The following SLC12A5 variants were observed in gnomAD, a reference collection of about 807,000 sequenced individuals.
SLC12A5 encodes the protein K-Cl cotransporter 2.
SLC12A5 carries 18 observed loss-of-function variants against 124.0 expected under a neutral mutation model. That is an observed-to-expected ratio of 0.15 (90% CI 0.10 to 0.22). The LOEUF is 0.22. Among genes scored for constraint, SLC12A5 ranks in the 10% least tolerant of loss-of-function variants. The pLI, the probability that SLC12A5 is intolerant of heterozygous loss-of-function variation, is 1.00. For missense variants in SLC12A5, 867 were observed against 1,478.7 expected, an observed-to-expected ratio of 0.59 and a Z score of 6.78; for synonymous variants, 589 against 568.0, an observed-to-expected ratio of 1.04 and a Z score of -0.53.
At position 46,044,704 on chromosome 20, in the gene SLC12A5, G is replaced by T. The variant is rs1358818975; in HGVS notation, c.1395-262G>T. The T allele has an allele frequency of 1.4e-5, 7 of 499,336 alleles. No homozygotes were observed. In the East Asian group the frequency reaches 2.7e-4, roughly 19 times the overall value. The allele number at this position is 499,336 out of a possible 1,614,324, so 30.9% of individuals were successfully genotyped here. On this transcript the variant is annotated intron_variant, in intron 11 of 25. Transcript: ENST00000243964. ...TTTCCACTGGTACCACCAGGCTTCT[G>T]TAAGGGAATGCAGTGGGGGACGTGG...
In SLC12A5 at chr20:46,056,478, G is replaced by C; in HGVS notation, c.3024G>C (p.Trp1008Cys). ...ETDPEKVHLT[W>C]TKDKSVAEKN... ...ATCCGGAGAAGGTGCATCTCACCTG[G>C]ACCAAGGACAAGTCGGTGGCAGAGA... Residue 1008 changes from tryptophan (W) to cysteine (C), a missense_variant, in exon 23 of 26, where the codon TGG becomes TGC. By Grantham distance (215) the Trp-to-Cys change is radical. This residue lies in a region of SLC12A5 where 180 missense variants were observed against 243.6 expected (regional missense o/e 0.74). Transcript: ENST00000243964. The surrounding 1 kb of genome is among the most constrained non-coding windows in gnomAD (Gnocchi z 4.3). 1 of 1,614,174 alleles carries C rather than the reference G, an allele frequency of 6.2e-7. No individual in the cohort carries two copies. The highest frequency in any genetic ancestry group is 8.5e-7 in the Non-Finnish European group (1 of 1,180,020).
At position 46,059,908 on chromosome 20, in the gene SLC12A5, GTATT is replaced by G; in HGVS notation, c.*2308_*2311del. ...GGAGAGGTTGCAAACCAAATCAAGA[GTATT>G]TATTACTATTACTGCTATTATTATT... On this transcript the variant is annotated 3_prime_UTR_variant, in exon 26 of 26. Coordinates refer to ENST00000243964, the MANE Select transcript of SLC12A5 (RefSeq NM_020708.5). 2.9e-6 allele frequency: 1 copy of G among 341,878 alleles called. No individual in the cohort carries two copies. The highest frequency in any genetic ancestry group is 5.2e-6 in the Non-Finnish European group (1 of 190,516). 21.2% of individuals were successfully genotyped at this position (341,878 alleles called of 1,614,324 possible).
intron 17 of SLC12A5, 148 bp from the exon 18 acceptor site, chr20:46,051,527 C>A: frequency 1.5e-6 from 1 of 663,832 alleles, no homozygotes; most frequent in Non-Finnish European, 2.5e-6. Context: ...ATGTGCCATT[C>A]TGGAGCCAGA....
chr20:46,029,889 T>TGTGTGC (rs1353696590), intron 1 of SLC12A5, among the ~76,000 whole-genome samples: 14 of 75,280 alleles, frequency 1.9e-4, no homozygotes, highest in African/African-American at 7.3e-4. Context: ...TGTGTGTGTG[T>TGTGTGC]GCGCGCGCGT....
intron 16 of SLC12A5, among the ~76,000 whole-genome samples, 154 bp downstream of exon 16, chr20:46,048,239 C>A (rs2145497675): frequency 6.6e-6 from 1 of 152,252 alleles, no homozygotes; most frequent in Non-Finnish European, 1.5e-5. Flanking sequence ...TTCCTTCCCA[C>A]CTGAAACACT....
chr20:46,029,984 G>T (rs1350505230), intron 1 of SLC12A5, among the ~76,000 whole-genome samples: 3 of 151,716 alleles, frequency 2.0e-5, no homozygotes, highest in Non-Finnish European at 4.4e-5. Context: ...CCGGGCTGTG[G>T]TGTCTCCTTA....
chr20:46,022,003 C>A (rs1056697208), intron 1 of SLC12A5: 2 of 1,224,388 alleles, frequency 1.6e-6, no homozygotes, highest in Non-Finnish European at 2.1e-6. Context: ...GGGGTCCCAG[C>A]CCTAGGCCTG....
Position 46,056,025 on chromosome 20 carries a change from A to ATT in SLC12A5, c.2788-122_2788-121dup. 2 of 1,364,226 alleles carry ATT rather than the reference A, an allele frequency of 1.5e-6. No homozygotes were observed. Among genetic ancestry groups the ATT allele is most frequent in the Non-Finnish European group, 2.0e-6 (2 of 1,007,564 alleles). 84.5% of individuals were successfully genotyped at this position (1,364,226 alleles called of 1,614,324 possible). On this transcript the variant is annotated intron_variant, in intron 21 of 25. Coordinates refer to ENST00000243964, the MANE Select transcript of SLC12A5 (RefSeq NM_020708.5). The surrounding 1 kb of genome is among the most constrained non-coding windows in gnomAD (Gnocchi z 4.3). ...CTATTTGGTCTCAAATCATAGCAAT[A>ATT]TTTTAACAACTGGTACAGTTCCAGA... is the stretch of plus-strand genomic sequence containing the variant.
chr20:46,054,319 A>G (rs1175316882), intron 20 of SLC12A5, among the ~76,000 whole-genome samples: 2 of 152,224 alleles, frequency 1.3e-5, no homozygotes, highest in East Asian at 1.9e-4. Flanking sequence ...GCAGTCTGCC[A>G]TTGACGCACA....
At chr20:46,030,502 A>G (rs1056502609) in intron 1 of SLC12A5, among the ~76,000 whole-genome samples, 2 of 75,370 alleles carry the variant, frequency 2.7e-5, no homozygotes, top group African/African-American at 1.1e-4. Context: ...GCCATCCATC[A>G]CGGCTGTCAG....
Position 46,059,718 on chromosome 20 carries a change from C to A in SLC12A5, c.*2113C>A, listed in dbSNP as rs2084736096. The A allele has an allele frequency of 2.5e-6, 1 of 398,962 alleles. No homozygotes were observed. The highest frequency in any genetic ancestry group is 4.4e-6 in the Non-Finnish European group (1 of 226,026). 24.7% of individuals were successfully genotyped at this position (398,962 alleles called of 1,614,324 possible). A position where few individuals can be genotyped will look rare whatever the true frequency, so the allele number is the denominator to read the frequency against. On this transcript the variant is annotated 3_prime_UTR_variant, in exon 26 of 26. Coordinates refer to ENST00000243964, the MANE Select transcript of SLC12A5 (RefSeq NM_020708.5). The stretch of plus-strand genomic sequence containing the variant: ...ATGAATGTTATCACAAGTCATTCAT[C>A]AAGTTATCTTTATAATCACTGTAGT...
At position 46,057,142 on chromosome 20, in the gene SLC12A5, C is replaced by G; in HGVS notation, c.3126-28C>G. 6.2e-7 allele frequency: 1 copy of G among 1,612,504 alleles called. No individual in the cohort carries two copies. Among genetic ancestry groups the G allele is most frequent in the Non-Finnish European group, 8.5e-7 (1 of 1,178,902 alleles). The stretch of plus-strand genomic sequence containing the variant: ...ATCTTCTCTACCCCCCCGGCTCACG[C>G]GGTCTCCACTCCTCCTTCCTGCCGC... On this transcript the variant is annotated intron_variant, in intron 24 of 25. Transcript: ENST00000243964. The surrounding 1 kb of genome is among the most constrained non-coding windows in gnomAD (Gnocchi z 7.1).
chr20:46,059,800 C>T lies in SLC12A5; in HGVS notation c.*2195C>T, dbSNP rs2084737071. 2.5e-6 allele frequency: 1 copy of T among 396,532 alleles called. No individual in the cohort carries two copies. The allele number at this position is 396,532 out of a possible 1,614,324, so 24.6% of individuals were successfully genotyped here. ...ATTCTGAGTGCAATATTTCAATAGCCTTGTAGTGATAACTAGTGTTGCTTT... is the reference window on the plus strand; with the variant it reads ...ATTCTGAGTGCAATATTTCAATAGCTTTGTAGTGATAACTAGTGTTGCTTT... On this transcript the variant is annotated 3_prime_UTR_variant, in exon 26 of 26. Transcript: ENST00000243964.
At chr20:46,039,793 A>G (rs900106145) in intron 6 of SLC12A5, among the ~76,000 whole-genome samples, 4 of 151,956 alleles carry the variant, frequency 2.6e-5, no homozygotes, top group African/African-American at 9.7e-5. Context: ...AAACAAAAAA[A>G]CCACCACCAC....
intron 6 of SLC12A5, 117 bp downstream of exon 6, chr20:46,037,502 A>G: frequency 8.5e-7 from 1 of 1,175,584 alleles, no homozygotes; most frequent in Non-Finnish European, 1.1e-6. Flanking sequence ...TGGTTCAGTA[A>G]GGCCAAAGTC....
chr20:46,058,593 C>T lies in SLC12A5; in HGVS notation c.*988C>T, dbSNP rs867939849. 1 of 399,226 alleles carries T rather than the reference C, an allele frequency of 2.5e-6. No individual in the cohort carries two copies. Among genetic ancestry groups the T allele is most frequent in the Non-Finnish European group, 4.4e-6 (1 of 226,192 alleles). 24.7% of individuals were successfully genotyped at this position (399,226 alleles called of 1,614,324 possible). A position where few individuals can be genotyped will look rare whatever the true frequency, so the allele number is the denominator to read the frequency against. Reference sequence around the variant, plus strand: ...GGCCCGCGCCCCACCGAGGAAGCCCCGCCCCGGTGCCTTCGCTGGGGAGCA... The same window carrying T: ...GGCCCGCGCCCCACCGAGGAAGCCCTGCCCCGGTGCCTTCGCTGGGGAGCA... On this transcript the variant is annotated 3_prime_UTR_variant, in exon 26 of 26. Transcript: ENST00000243964. This position sits in a 1 kb window ranked among gnomAD's most constrained non-coding sequence, Gnocchi z 5.8.
rs746800548 is a variant in SLC12A5, at chr20:46,053,467, ATGTG to A, written c.2548-108_2548-105del. ...GACAGAGGATTTGGGGTCTGCATGT[ATGTG>A]TGAGGAGTGGGTGGGAAGAGGGGAA... is the stretch of plus-strand genomic sequence containing the variant. On this transcript the variant is annotated intron_variant, in intron 19 of 25. Coordinates refer to ENST00000243964, the MANE Select transcript of SLC12A5 (RefSeq NM_020708.5). This position sits in a 1 kb window ranked among gnomAD's most constrained non-coding sequence, Gnocchi z 4.7. 7.0e-7 allele frequency: 1 copy of A among 1,431,198 alleles called. No individual in the cohort carries two copies. The highest frequency in any genetic ancestry group is 9.6e-7 in the Non-Finnish European group (1 of 1,039,596). The allele number at this position is 1,431,198 out of a possible 1,614,324, so 88.7% of individuals were successfully genotyped here. A position where few individuals can be genotyped will look rare whatever the true frequency, so the allele number is the denominator to read the frequency against.
At chr20:46,029,054 A>C, upstream of SLC12A5, 2 of 1,127,680 alleles carry the variant, frequency 1.8e-6, no homozygotes, top group Admixed American at 4.1e-5. Flanking sequence ...CCCGCCCCTC[A>C]TCTTCTCTTC....
In SLC12A5 at chr20:46,056,380, G is replaced by A. The variant is rs765995687; in HGVS notation, c.2926G>A (p.Asp976Asn). The A allele has an allele frequency of 8.1e-6, 13 of 1,611,348 alleles. No individual in the cohort carries two copies. The highest frequency in any genetic ancestry group is 2.2e-5 in the South Asian group (2 of 90,702). ...KPEEEVQLIH[D>N]QSAPSCPSSS... is the part of the protein sequence containing the mutation. ...CATCCCTCAGGTGCAGCTGATCCAC[G>A]ATCAGAGTGCTCCCAGCTGCCCCAG... The change falls in exon 23 of 26, where the codon GAT becomes AAT. Residue 976 changes from aspartate (D) to asparagine (N), a missense_variant. Physicochemically the swap from Asp to Asn is conservative, Grantham distance 23. Coordinates refer to ENST00000243964, the MANE Select transcript of SLC12A5 (RefSeq NM_020708.5). This position sits in a 1 kb window ranked among gnomAD's most constrained non-coding sequence, Gnocchi z 4.3.
Sources: gnomAD v4.1 joint callset for allele counts (sites outside exome capture counted in the v4.1 genomes callset) on GRCh38, gnomAD v4.1.1 for gene constraint, gnomAD v4.1.1 regional missense constraint, Gnocchi (gnomAD v3.1) non-coding constraint, MANE v1.5 for transcripts, NCBI Gene and HGNC (gene_info 2026-07-23, HGNC 2026-07-21) for gene names.